The following ADGRL3 variants were observed in gnomAD, a reference collection of about 807,000 sequenced individuals.
ADGRL3 encodes calcium-independent alpha-latrotoxin receptor 3.
A neutral mutation model predicts 153.5 loss-of-function variants in ADGRL3; 62 were observed. The ratio of observed to expected loss-of-function variants is 0.40; its 90% CI spans 0.33 to 0.50. ADGRL3 has a LOEUF of 0.50. Among genes scored for constraint, ADGRL3 ranks in the 20% least tolerant of loss-of-function variants. The pLI is 0.47. For missense variants in ADGRL3, 1,641 were observed against 1,859.4 expected, an observed-to-expected ratio of 0.88 and a Z score of 2.16; for synonymous variants, 710 against 672.5, an observed-to-expected ratio of 1.06 and a Z score of -0.86.
intron 4 of ADGRL3, among the ~76,000 whole-genome samples, chr4:61,540,236 C>A (rs2098681588): frequency 6.6e-6 from 1 of 152,140 alleles, no homozygotes. Context: ...ACATTTTAAA[C>A]CCCAATACTG....
At chr4:61,285,680 G>C (rs1444920090) in intron 1 of ADGRL3, among the ~76,000 whole-genome samples, 2 of 151,764 alleles carry the variant, frequency 1.3e-5, no homozygotes, top group Non-Finnish European at 2.9e-5. Flanking sequence ...ACCCAATTTT[G>C]AACCTGGCAT....
At chr4:61,553,872 C>T (rs2098752079) in intron 4 of ADGRL3, among the ~76,000 whole-genome samples, 1 of 151,946 alleles carries the variant, frequency 6.6e-6, no homozygotes, top group Non-Finnish European at 1.5e-5. Flanking sequence ...AGTTAACAAC[C>T]CACTTTTAAA....
At chr4:61,642,269 T>C (rs1259295413) in intron 5 of ADGRL3, among the ~76,000 whole-genome samples, 1 of 152,186 alleles carries the variant, frequency 6.6e-6, no homozygotes, top group Non-Finnish European at 1.5e-5. Context: ...TTTCTTTTGC[T>C]GTGCAGAAGC....
Position 61,294,796 on chromosome 4 carries a change from G to A in ADGRL3, c.-239-88328G>A, listed in dbSNP as rs148522987. ...TACTTTACTGTGGAACTGTTATTTG[G>A]ATCTGTCAGCCATTGTTTAATATTA... On this transcript the variant is annotated intron_variant, in intron 1 of 26. Transcript: ENST00000683033. 5.3e-3 allele frequency among the ~76,000 whole-genome samples: 802 copies of A among 151,674 alleles called. 7 individuals are homozygous for A. Among genetic ancestry groups the A allele is most frequent in the African/African-American group, 0.019 (774 of 41,352 alleles).
In ADGRL3 at chr4:61,957,932, A is replaced by T. The variant is rs79180489; in HGVS notation, c.2805+9656A>T. Among the ~76,000 whole-genome samples, 16 of 152,122 alleles carry T rather than the reference A, an allele frequency of 1.1e-4. 1 individual carries two copies. The highest frequency in any genetic ancestry group is 3.6e-4 in the African/African-American group (15 of 41,448). ...TCTGCCTCTTGCTTTCTATAAAAAA[A>T]GTATCGTTTTCAGTGTTTCACAAAT... is the stretch of plus-strand genomic sequence containing the variant. On this transcript the variant is annotated intron_variant, in intron 17 of 26. Coordinates refer to ENST00000683033, the MANE Select transcript of ADGRL3 (RefSeq NM_001387552.1).
At chr4:62,065,774 T>TC (rs1338963123) in intron 25 of ADGRL3, among the ~76,000 whole-genome samples, 1 of 152,022 alleles carries the variant, frequency 6.6e-6, no homozygotes, top group Non-Finnish European at 1.5e-5. Context: ...TCTTACTTTA[T>TC]TTTTACTGGT....
intron 4 of ADGRL3, among the ~76,000 whole-genome samples, chr4:61,528,597 G>A (rs184042413): frequency 6.6e-6 from 1 of 152,182 alleles, no homozygotes; most frequent in Admixed American, 6.5e-5. Context: ...TCTAGTAGAA[G>A]CTAGGAAATT....
rs61681133 is a variant in ADGRL3 at position 61,476,835 on chromosome 4, C to T, written c.-173-20286C>T. Among the ~76,000 whole-genome samples, 1,320 of 150,986 alleles carry T rather than the reference C, an allele frequency of 8.7e-3. 22 individuals carry two copies. Among genetic ancestry groups the T allele is most frequent in the African/African-American group, 0.03 (1,256 of 41,258 alleles). On this transcript the variant is annotated intron_variant, in intron 2 of 26. Coordinates refer to ENST00000683033, the MANE Select transcript of ADGRL3 (RefSeq NM_001387552.1). ...AAGCAGTCCACCTGCCTCAGCCTCC[C>T]AAATGCTGGGACTACAAACATGAGC...
intron 5 of ADGRL3, among the ~76,000 whole-genome samples, chr4:61,613,233 C>G (rs1224073654): frequency 6.6e-6 from 1 of 152,044 alleles, no homozygotes; most frequent in East Asian, 1.9e-4. Context: ...GTTACCTGTT[C>G]TTTAGATTGA....
intron 8 of ADGRL3, among the ~76,000 whole-genome samples, chr4:61,764,818 C>T (rs186830189): frequency 0.022 from 3,379 of 151,656 alleles, 127 homozygotes; most frequent in African/African-American, 0.078. Context: ...CTGCTTCAAG[C>T]GGGATTAGGG....
chr4:61,974,844 G>A (rs533352898), intron 17 of ADGRL3, among the ~76,000 whole-genome samples: 8 of 152,200 alleles, frequency 5.3e-5, no homozygotes, highest in Non-Finnish European at 8.8e-5. Flanking sequence ...TTATTTTCTA[G>A]CTCTAATTTT....
rs10605564 is a variant in ADGRL3, at chr4:61,571,316, T to TAATAAAATAA, written c.260-15872_260-15863dup. 3.3e-4 allele frequency among the ~76,000 whole-genome samples: 47 copies of TAATAAAATAA among 140,308 alleles called. 1 individual carries two copies. The highest frequency in any genetic ancestry group is 1.1e-3 in the African/African-American group (43 of 37,736). The allele number at this position is 140,308 out of a possible 152,430, so 92.0% of individuals were successfully genotyped here. A position where few individuals can be genotyped will look rare whatever the true frequency, so the allele number is the denominator to read the frequency against. The stretch of plus-strand genomic sequence containing the variant: ...ATGACAAGACCCTGTCTCAACAAAA[T>TAATAAAATAA]AATAAAATAAAATAAAATAAAATAA... On this transcript the variant is annotated intron_variant, in intron 4 of 26. Coordinates refer to ENST00000683033, the MANE Select transcript of ADGRL3 (RefSeq NM_001387552.1).
chr4:61,229,943 A>G (rs1354740289), intron 1 of ADGRL3, among the ~76,000 whole-genome samples: 1 of 151,994 alleles, frequency 6.6e-6, no homozygotes, highest in Non-Finnish European at 1.5e-5. Context: ...TATACATATT[A>G]TATAGATAGA....
At chr4:61,747,396 C>T in intron 8 of ADGRL3, among the ~76,000 whole-genome samples, 1 of 151,954 alleles carries the variant, frequency 6.6e-6, no homozygotes. Context: ...CTGGCAGAGA[C>T]ACAACCAAAA....
At chr4:61,759,432 T>C (rs1364441702) in intron 8 of ADGRL3, among the ~76,000 whole-genome samples, 2 of 152,222 alleles carry the variant, frequency 1.3e-5, no homozygotes. Flanking sequence ...TGATTTTCCA[T>C]CACTGATACG....
intron 8 of ADGRL3, among the ~76,000 whole-genome samples, chr4:61,750,553 A>G (rs1265907153): frequency 6.6e-6 from 1 of 152,148 alleles, no homozygotes; most frequent in African/African-American, 2.4e-5. Flanking sequence ...GCACTTTGGG[A>G]GGCCGAGGCG....
At chr4:61,348,417 G>A (rs753626284) in intron 1 of ADGRL3, among the ~76,000 whole-genome samples, 5 of 151,904 alleles carry the variant, frequency 3.3e-5, no homozygotes, top group Non-Finnish European at 5.9e-5. Context: ...ATACTTCAAT[G>A]AGATCACGTA....
rs540755171 is a variant in ADGRL3 at position 61,961,732 on chromosome 4, A to G, written c.2805+13456A>G. Among the ~76,000 whole-genome samples, 17 of 152,318 alleles carry G rather than the reference A, an allele frequency of 1.1e-4. No individual in the cohort carries two copies. The East Asian group carries it at 3.3e-3, about 29-fold the overall frequency. Reference sequence around the variant, plus strand: ...ATAGTCTTTCTATTTGAGGAGGGGAATTGACACCAACTTGTGGTATATCTT... The same window carrying G: ...ATAGTCTTTCTATTTGAGGAGGGGAGTTGACACCAACTTGTGGTATATCTT... On this transcript the variant is annotated intron_variant, in intron 17 of 26. Coordinates refer to ENST00000683033, the MANE Select transcript of ADGRL3 (RefSeq NM_001387552.1).
At chr4:61,975,488 G>T (rs1297303336) in intron 17 of ADGRL3, among the ~76,000 whole-genome samples, 1 of 152,186 alleles carries the variant, frequency 6.6e-6, no homozygotes, top group East Asian at 1.9e-4. Flanking sequence ...TCACAGGGGT[G>T]CAGTTCTTAG....
Sources: allele counts gnomAD v4.1 joint callset (sites outside exome capture counted in the v4.1 genomes callset), GRCh38; gene constraint gnomAD v4.1.1; transcripts MANE v1.5; gene names NCBI Gene and HGNC (gene_info 2026-07-23, HGNC 2026-07-21).